Variants in PSMD9 observed in about 807,000 individuals in gnomAD.
PSMD9 encodes the protein 26S proteasome non-ATPase regulatory subunit 9.
In PSMD9, 26 loss-of-function variants were observed where a neutral mutation model predicts 25.9. That is an observed-to-expected ratio of 1.00 (90% CI 0.73 to 1.39). The LOEUF (loss-of-function observed/expected upper bound fraction) is 1.39, where lower values mean the gene tolerates loss of function less well. Ranked by LOEUF, PSMD9 falls within the 40% of genes most tolerant of loss-of-function variation. The pLI is 0.00. For synonymous variants in PSMD9, 110 were observed against 114.5 expected (o/e 0.96, Z 0.25); for missense variants, 303 against 299.3 (o/e 1.01, Z -0.09).
In PSMD9 at chr12:121,899,717, G is replaced by T. The variant is rs1246048287; in HGVS notation, c.325G>T (p.Ala109Ser). The change falls in exon 3 of 6, where the codon GCC becomes TCC. Residue 109 changes from alanine (A) to serine (S), a missense_variant. By Grantham distance (99) the Ala-to-Ser change is moderately conservative (BLOSUM62 1). Transcript: ENST00000541212. ...GCACGCTCGCGACAAGGAGAAGCAGGCCCGGGACATGGCTGAGGCCCACAA... is the reference window on the plus strand; with the variant it reads ...GCACGCTCGCGACAAGGAGAAGCAGTCCCGGGACATGGCTGAGGCCCACAA... ...QLHARDKEKQ[A>S]RDMAEAHKEA... The T allele has an allele frequency of 6.2e-7, 1 of 1,614,154 alleles. No homozygotes were observed. Among genetic ancestry groups the T allele is most frequent in the Non-Finnish European group, 8.5e-7 (1 of 1,180,032 alleles).
intron 4 of PSMD9, among the ~76,000 whole-genome samples, chr12:121,912,079 G>A (rs1565895716): frequency 6.7e-6 from 1 of 148,926 alleles, no homozygotes; most frequent in African/African-American, 2.5e-5. Context: ...GTTCTCTGTT[G>A]CCAAGGCTGG....
In PSMD9 at chr12:121,892,267, A is replaced by G. The variant is rs565425536; in HGVS notation, c.139-2472A>G. Reference sequence around the variant, plus strand: ...CATTTCTCCAAAGAAAATATGGTCAATACAAATGGTCAATGGCCAGGCGTG... The same window carrying G: ...CATTTCTCCAAAGAAAATATGGTCAGTACAAATGGTCAATGGCCAGGCGTG... On this transcript the variant is annotated intron_variant, in intron 1 of 5. Coordinates refer to ENST00000541212, the MANE Select transcript of PSMD9 (RefSeq NM_002813.7). 3.3e-4 allele frequency among the ~76,000 whole-genome samples: 51 copies of G among 152,328 alleles called. 2 individuals carry two copies. In the South Asian group the frequency reaches 9.5e-3, roughly 28 times the overall value.
At chr12:121,902,863 A>T in intron 3 of PSMD9, 143 bp from the exon 4 acceptor site, 1 of 650,398 alleles carries the variant, frequency 1.5e-6, no homozygotes, top group Non-Finnish European at 2.8e-6. Flanking sequence ...TGAGGTGTCT[A>T]CATCCCTGAC....
At chr12:121,904,639 T>TTTATTATTATTATTATTATTATTATTA (rs71082909) in intron 4 of PSMD9, among the ~76,000 whole-genome samples, 24 of 138,948 alleles carry the variant, frequency 1.7e-4, no homozygotes, top group African/African-American at 3.0e-4. Flanking sequence ...CCATCTGAAA[T>TTTATTATTATTATTATTATTATTATTA]TTATTATTAT....
chr12:121,902,422 G>A (rs531112388), intron 3 of PSMD9: 1 of 153,468 alleles, frequency 6.5e-6, no homozygotes, highest in East Asian at 1.9e-4. Context: ...AAGTTACACA[G>A]AAGCTCCCTA....
chr12:121,892,622 A>G (rs903623134), intron 1 of PSMD9, among the ~76,000 whole-genome samples: 4 of 151,974 alleles, frequency 2.6e-5, no homozygotes, highest in Admixed American at 6.6e-5. Context: ...AAGGGCCTGA[A>G]CCCAGGAGGC....
At chr12:121,893,446 G>A (rs868789066) in intron 1 of PSMD9, among the ~76,000 whole-genome samples, 6 of 152,208 alleles carry the variant, frequency 3.9e-5, no homozygotes, top group Admixed American at 2.6e-4. Flanking sequence ...TGACTTCTGC[G>A]CGTAGTCGTT....
chr12:121,910,840 A>C (rs4069666), intron 4 of PSMD9: 1 of 392,634 alleles, frequency 2.5e-6, no homozygotes, highest in Non-Finnish European at 5.2e-6. Context: ...TATTTTGCAA[A>C]TATCACCCCT....
chr12:121,901,425 T>C (rs1374234898), intron 3 of PSMD9, among the ~76,000 whole-genome samples: 1 of 152,148 alleles, frequency 6.6e-6, no homozygotes, highest in African/African-American at 2.4e-5. Flanking sequence ...CATAGCTCAC[T>C]GCAACCTCAA....
At chr12:121,909,855 C>T (rs1264901330) in intron 4 of PSMD9, among the ~76,000 whole-genome samples, 1 of 152,046 alleles carries the variant, frequency 6.6e-6, no homozygotes, top group Non-Finnish European at 1.5e-5. Context: ...TAGCGAGTGT[C>T]CTTGCCTGTG....
intron 1 of PSMD9, among the ~76,000 whole-genome samples, chr12:121,891,934 A>G (rs1261297205): frequency 6.7e-6 from 1 of 150,004 alleles, no homozygotes; most frequent in African/African-American, 2.4e-5. Flanking sequence ...AGAAGTGGAC[A>G]GCTAAAACTA....
intron 1 of PSMD9, among the ~76,000 whole-genome samples, chr12:121,890,378 C>A (rs1879032837): frequency 6.6e-6 from 1 of 152,204 alleles, no homozygotes; most frequent in Admixed American, 6.5e-5. Context: ...CTACCACATG[C>A]AGTATACTAT....
At chr12:121,892,093 T>C (rs1017775266) in intron 1 of PSMD9, among the ~76,000 whole-genome samples, 1 of 152,070 alleles carries the variant, frequency 6.6e-6, no homozygotes, top group Non-Finnish European at 1.5e-5. Context: ...AAGGGCATAG[T>C]AAAATGAAAA....
intron 4 of PSMD9, chr12:121,914,073 T>C (rs1011576049): frequency 2.6e-5 from 4 of 151,840 alleles, no homozygotes; most frequent in African/African-American, 9.7e-5. Flanking sequence ...TTTTTATACT[T>C]TTTGTAGAGT....
At chr12:121,902,140 T>C (rs1421510479) in intron 3 of PSMD9, 2 of 152,214 alleles carry the variant, frequency 1.3e-5, no homozygotes, top group Non-Finnish European at 2.9e-5. Flanking sequence ...TGTGGAGATG[T>C]AGTTAAATTT....
chr12:121,910,606 C>T (rs1879691370), intron 4 of PSMD9, among the ~76,000 whole-genome samples: 1 of 151,404 alleles, frequency 6.6e-6, no homozygotes, highest in African/African-American at 2.4e-5. Flanking sequence ...ACTAAAAATA[C>T]AAAATTAGCC....
rs537342395 is a variant in PSMD9, at chr12:121,910,750, A to C, written c.556-5106A>C. ...ACTCTGGCCTGGGTGACAAGAGTGA[A>C]ACTTTGTCTCAAAAAAAAAAAAATT... is the stretch of plus-strand genomic sequence containing the variant. On this transcript the variant is annotated intron_variant, in intron 4 of 5. Coordinates refer to ENST00000541212, the MANE Select transcript of PSMD9 (RefSeq NM_002813.7). Among the ~76,000 whole-genome samples the C allele has an allele frequency of 4.7e-3, 718 of 151,750 alleles. 4 individuals carry two copies. Among genetic ancestry groups the C allele is most frequent in the African/African-American group, 0.016 (676 of 41,312 alleles).
chr12:121,906,887 A>G (rs1452725432), intron 4 of PSMD9, among the ~76,000 whole-genome samples: 2 of 147,096 alleles, frequency 1.4e-5, no homozygotes, highest in African/African-American at 5.0e-5. Flanking sequence ...AATTGCTTGA[A>G]CCCGGGAGGC....
chr12:121,915,496 A>T (rs1055124042), intron 4 of PSMD9: 7 of 226,018 alleles, frequency 3.1e-5, no homozygotes, highest in Admixed American at 5.4e-5. Context: ...TGGAATGAAC[A>T]TTTCATTTGT....
Sources: gnomAD v4.1 joint callset for allele counts (sites outside exome capture counted in the v4.1 genomes callset) on GRCh38, gnomAD v4.1.1 for gene constraint, MANE v1.5 for transcripts, NCBI Gene and HGNC (gene_info 2026-07-23, HGNC 2026-07-21) for gene names.